The following MYO1C variants were observed in gnomAD, a reference collection of about 807,000 sequenced individuals.
MYO1C encodes the protein unconventional myosin-Ic.
A neutral mutation model predicts 150.8 loss-of-function variants in MYO1C; 104 were observed. The observed-to-expected ratio is 0.69, with a 90% CI of 0.59 to 0.81. The LOEUF (loss-of-function observed/expected upper bound fraction) is 0.81. Among genes scored for constraint, MYO1C ranks in the 30% least tolerant of loss-of-function variants. MYO1C has a pLI of 0.00. For synonymous variants in MYO1C, 663 were observed against 579.9 expected (o/e 1.14, Z -2.06); for missense variants, 1,504 against 1,435.0 (o/e 1.05, Z -0.78).
chr17:1,492,331 C>T (rs1036484635), intron 1 of MYO1C, 82 bp downstream of exon 1: 4 of 1,420,624 alleles, frequency 2.8e-6, no homozygotes, highest in Admixed American at 3.9e-5. Context: ...TCAGCTCTTG[C>T]CCGAGGGCTC....
rs571270891 is a variant in MYO1C, at chr17:1,484,176, C to A, written c.203G>T (p.Arg68Leu). The A allele has an allele frequency of 4.3e-6, 7 of 1,612,988 alleles. No individual in the cohort carries two copies. Among genetic ancestry groups the A allele is most frequent in the Non-Finnish European group, 5.1e-6 (6 of 1,180,034 alleles). Residue 68 changes from arginine (R) to leucine (L), a missense_variant, in exon 2 of 32, where the codon CGG becomes CTG. Transcript: ENST00000648651. ...TSEAAFIENL[R>L]RRFRENLIYT... ...GATGAGATTCTCCCGAAATCGCCGCCGCAGGTTCTCGATGAAGGCGGCCTC... is the reference window on the plus strand; with the variant it reads ...GATGAGATTCTCCCGAAATCGCCGCAGCAGGTTCTCGATGAAGGCGGCCTC...
chr17:1,483,281 G>A (rs2074575607), intron 3 of MYO1C, among the ~76,000 whole-genome samples: 1 of 152,024 alleles, frequency 6.6e-6, no homozygotes, highest in South Asian at 2.1e-4. Context: ...CAGGTGGGAG[G>A]CTGGAGGTCA....
chr17:1,484,691 G>C (rs1194853064), intron 1 of MYO1C: 5 of 401,618 alleles, frequency 1.2e-5, no homozygotes, highest in Non-Finnish European at 1.4e-5. Flanking sequence ...TGAAATAGCA[G>C]AAAGACTGCT....
At chr17:1,484,585 C>T (rs558845179) in intron 1 of MYO1C, 1 of 567,586 alleles carries the variant, frequency 1.8e-6, no homozygotes, top group Admixed American at 3.0e-5. Flanking sequence ...ACTTGGGACT[C>T]GGACACAGGG....
At position 1,471,086 on chromosome 17, in the gene MYO1C, G is replaced by A. The variant is rs770803144; in HGVS notation, c.2197C>T (p.Arg733Trp). ...TCTCTCTCACCCAGGCTCTGCCGCCGGACCTCCAGGGCATCCTCTGTGGCA... is the reference window on the plus strand; with the variant it reads ...TCTCTCTCACCCAGGCTCTGCCGCCAGACCTCCAGGGCATCCTCTGTGGCA... ...LFATEDALEV[R>W]RQSLATKIQA... Residue 733 changes from arginine to tryptophan, a missense_variant, in exon 21 of 32, where the codon CGG (arginine) becomes TGG (tryptophan). Transcript: ENST00000648651. 44 of 1,613,990 alleles carry A rather than the reference G, an allele frequency of 2.7e-5. No individual in the cohort carries two copies. The highest frequency in any genetic ancestry group is 1.4e-4 in the South Asian group (13 of 91,088).
rs45497196 is a variant in MYO1C, at chr17:1,474,586, C to T, written c.1797+24G>A. On this transcript the variant is annotated intron_variant, in intron 17 of 31. Coordinates refer to ENST00000648651, the MANE Select transcript of MYO1C (RefSeq NM_001080779.2). ...GCACACTCAGGCGCATGCACCCCTG[C>T]GCCCGGTCCCGCCACCTCCTCACCG... is the stretch of plus-strand genomic sequence containing the variant. 0.024 allele frequency: 39,101 copies of T among 1,612,370 alleles called. 668 individuals are homozygous for T. The highest frequency in any genetic ancestry group is 0.087 in the African/African-American group (6,551 of 74,978).
chr17:1,474,775 C>A (rs1356621390), intron 16 of MYO1C, 37 bp downstream of exon 16: 4 of 1,521,148 alleles, frequency 2.6e-6, no homozygotes, highest in Non-Finnish European at 3.7e-6. Context: ...TGTGGGCTAT[C>A]CCCACCCCCA....
chr17:1,468,148 G>T (rs1363277815), intron 27 of MYO1C, 25 bp from the exon 28 acceptor site: 24 of 1,612,654 alleles, frequency 1.5e-5, no homozygotes, highest in Non-Finnish European at 1.9e-5. Context: ...CAGGCTGAAG[G>T]GGCTGGGGAG....
chr17:1,474,773 A>T (rs1370267239), intron 16 of MYO1C, 39 bp downstream of exon 16: 1 of 1,595,852 alleles, frequency 6.3e-7, no homozygotes, highest in African/African-American at 1.3e-5. Context: ...GCTGTGGGCT[A>T]TCCCCACCCC....
At chr17:1,469,763 G>A (rs113753746) in intron 24 of MYO1C, 149 bp from the exon 25 acceptor site, 3 of 756,656 alleles carry the variant, frequency 4.0e-6, no homozygotes, top group African/African-American at 1.7e-5. Flanking sequence ...GGCAGGGCGC[G>A]GTGGCTCACG....
At chr17:1,474,415 G>A (rs1189276231) in intron 17 of MYO1C, among the ~76,000 whole-genome samples, 195 bp downstream of exon 17, 10 of 140,288 alleles carry the variant, frequency 7.1e-5, no homozygotes, top group South Asian at 4.5e-4. Flanking sequence ...GCAACAGAGC[G>A]AGACCCTGTC....
chr17:1,480,675 G>A, intron 6 of MYO1C, 31 bp downstream of exon 6: 1 of 1,614,036 alleles, frequency 6.2e-7, no homozygotes, highest in African/African-American at 1.3e-5. Context: ...AGATCCCTGG[G>A]TGGCACCTGC....
Position 1,478,550 on chromosome 17 carries a change from C to A in MYO1C, c.1213-58G>T. The A allele has an allele frequency of 1.2e-6, 2 of 1,613,772 alleles. No homozygotes were observed. The highest frequency in any genetic ancestry group is 1.7e-4 in the Middle Eastern group (1 of 6,058). ...CCCTGCGCGTGCCAGCCCCACCCTG[C>A]AGCACCCCCCGCCTCGCCGACGGCC... is the stretch of plus-strand genomic sequence containing the variant. On this transcript the variant is annotated intron_variant, in intron 10 of 31. Coordinates refer to ENST00000648651, the MANE Select transcript of MYO1C (RefSeq NM_001080779.2). The surrounding 1 kb of genome is among the most constrained non-coding windows in gnomAD (Gnocchi z 6.3).
chr17:1,476,137 A>G (rs1405405174), intron 14 of MYO1C, among the ~76,000 whole-genome samples: 1 of 152,056 alleles, frequency 6.6e-6, no homozygotes, highest in Non-Finnish European at 1.5e-5. Flanking sequence ...TGAATCAGGC[A>G]GCCCCTAAAC....
chr17:1,492,174 G>A (rs1344787214), intron 1 of MYO1C: 17 of 563,654 alleles, frequency 3.0e-5, no homozygotes, highest in Admixed American at 1.5e-4. Flanking sequence ...TGCCCACTGA[G>A]GTTCGGGAAG....
chr17:1,484,277 C>T lies in MYO1C; in HGVS notation c.102G>A (p.Val34=), dbSNP rs941244861. The part of the protein sequence containing the change: ...KLALGSDGVR[V]TMESALTARD... ...GGGCGGTGAGCGCACTCTCCATGGTCACCCGAACCCCGTCACTGCCCAGGG... is the reference window on the plus strand; with the variant it reads ...GGGCGGTGAGCGCACTCTCCATGGTTACCCGAACCCCGTCACTGCCCAGGG... The change falls in exon 2 of 32, where the codon GTG becomes GTA. Residue 34 remains valine (V), a synonymous_variant. Coordinates refer to ENST00000648651, the MANE Select transcript of MYO1C (RefSeq NM_001080779.2). 1 of 1,611,402 alleles carries T rather than the reference C, an allele frequency of 6.2e-7. No individual in the cohort carries two copies. The highest frequency in any genetic ancestry group is 2.2e-5 in the East Asian group (1 of 44,876).
intron 30 of MYO1C, 57 bp downstream of exon 30, chr17:1,467,423 G>T: frequency 6.3e-7 from 1 of 1,597,798 alleles, no homozygotes; most frequent in Non-Finnish European, 8.5e-7. Context: ...GTCCCTGGGT[G>T]CCCACACAGC....
At chr17:1,467,122 G>C (rs2074189189) in intron 31 of MYO1C, 120 bp downstream of exon 31, 1 of 929,592 alleles carries the variant, frequency 1.1e-6, no homozygotes, top group African/African-American at 1.6e-5. Context: ...GGATGGAAGA[G>C]GTGGTATGAT....
chr17:1,467,136 C>T, intron 31 of MYO1C, 106 bp downstream of exon 31: 1 of 1,061,978 alleles, frequency 9.4e-7, no homozygotes, highest in Admixed American at 2.0e-5. Context: ...GTATGATGGC[C>T]TCTGGATGAA....
Sources: gnomAD v4.1 joint callset for allele counts (sites outside exome capture counted in the v4.1 genomes callset) on GRCh38, gnomAD v4.1.1 for gene constraint, Gnocchi (gnomAD v3.1) non-coding constraint, MANE v1.5 for transcripts, NCBI Gene and HGNC (gene_info 2026-07-23, HGNC 2026-07-21) for gene names.